GPHN: variants seen among roughly 807,000 people sequenced by gnomAD.
The protein encoded by GPHN is gephyrin.
GPHN carries 17 observed loss-of-function variants against 95.5 expected under a neutral mutation model. The observed-to-expected ratio is 0.18, with a 90% CI of 0.12 to 0.27. The LOEUF (loss-of-function observed/expected upper bound fraction) is 0.27, where lower values mean the gene tolerates loss of function less well. Ranked by LOEUF, GPHN falls within the 10% of genes least tolerant of loss-of-function variation. The pLI, the probability that GPHN is intolerant of heterozygous loss-of-function variation, is 1.00. For missense variants in GPHN, 660 were observed against 978.1 expected (o/e 0.67, Z 4.34); for synonymous variants, 320 against 322.5 (o/e 0.99, Z 0.08).
At chr14:66,813,097 T>C (rs1325159409) in intron 3 of GPHN, among the ~76,000 whole-genome samples, 2 of 152,236 alleles carry the variant, frequency 1.3e-5, no homozygotes, top group East Asian at 3.8e-4. Context: ...GTCAAAGTTA[T>C]AATATTAGGG....
the GPHN span, among the ~76,000 whole-genome samples, chr14:67,689,273 T>G: frequency 1.3e-5 from 2 of 152,232 alleles, no homozygotes; most frequent in African/African-American, 4.8e-5. Context: ...ATTCCAACTA[T>G]AGGGCACCTG....
At chr14:66,716,959 T>G (rs920732091) in intron 2 of GPHN, among the ~76,000 whole-genome samples, 2 of 152,206 alleles carry the variant, frequency 1.3e-5, no homozygotes, top group African/African-American at 4.8e-5. Context: ...TCCTTCGTCT[T>G]AACTTTGGCT....
chr14:66,694,025 G>A (rs2067956508), intron 2 of GPHN, among the ~76,000 whole-genome samples: 1 of 152,142 alleles, frequency 6.6e-6, no homozygotes, highest in Non-Finnish European at 1.5e-5. Flanking sequence ...AAAGAATAGA[G>A]AGCCCAGAAA....
the GPHN span, chr14:67,563,019 C>T: frequency 6.2e-6 from 6 of 972,508 alleles, no homozygotes; most frequent in Non-Finnish European, 8.9e-6. Context: ...CCCTGGCAGG[C>T]AGGTACCATG....
chr14:66,958,378 TAATTTG>T (rs1280813664), intron 8 of GPHN, among the ~76,000 whole-genome samples: 1 of 152,212 alleles, frequency 6.6e-6, no homozygotes, highest in African/African-American at 2.4e-5. Context: ...TCTTTGGATC[TAATTTG>T]AATCTCTTGT....
At chr14:67,511,270 G>T in the GPHN span, among the ~76,000 whole-genome samples, 1 of 152,236 alleles carries the variant, frequency 6.6e-6, no homozygotes, top group South Asian at 2.1e-4. Context: ...CAAAGGAATG[G>T]CAGAAAGTGA....
At chr14:66,906,281 TCCTC>T (rs926096663) in intron 5 of GPHN, among the ~76,000 whole-genome samples, 40 of 152,236 alleles carry the variant, frequency 2.6e-4, no homozygotes, top group African/African-American at 7.5e-4. Flanking sequence ...TAATCCCACC[TCCTC>T]CCTTTGTCTC....
the GPHN span, among the ~76,000 whole-genome samples, chr14:67,268,392 A>G: frequency 6.6e-6 from 1 of 152,234 alleles, no homozygotes; most frequent in African/African-American, 2.4e-5. Context: ...TGCATGAGAA[A>G]GAATTTGGGG....
In GPHN at chr14:66,819,666, A is replaced by G. The variant is rs116727466; in HGVS notation, c.202-4808A>G. ...TTTTTTGCTTAGGACCACGTTGGCT[A>G]TTGAAATCCCTTTATTTTTTTAATG... is the stretch of plus-strand genomic sequence containing the variant. On this transcript the variant is annotated intron_variant, in intron 3 of 22. Coordinates refer to ENST00000478722, the MANE Select transcript of GPHN (RefSeq NM_020806.5). 7.0e-3 allele frequency among the ~76,000 whole-genome samples: 1,068 copies of G among 152,058 alleles called. 4 individuals carry two copies. The highest frequency in any genetic ancestry group is 0.025 in the African/African-American group (1,020 of 41,476).
the GPHN span, chr14:67,562,625 C>G: frequency 6.2e-7 from 1 of 1,612,972 alleles, no homozygotes; most frequent in South Asian, 1.1e-5. Context: ...CAAAAGGCAC[C>G]ACAGCCAGCC....
the GPHN span, among the ~76,000 whole-genome samples, chr14:67,523,636 C>A: frequency 6.2e-4 from 94 of 152,336 alleles, no homozygotes; most frequent in Middle Eastern, 6.8e-3. Context: ...TTTCTGTGGC[C>A]ATGCTGTATC....
At chr14:67,337,146 C>T in the GPHN span, among the ~76,000 whole-genome samples, 1 of 152,164 alleles carries the variant, frequency 6.6e-6, no homozygotes, top group African/African-American at 2.4e-5. Context: ...AATACCAGTG[C>T]CTGGCACATA....
At chr14:67,633,055 C>T in the GPHN span, among the ~76,000 whole-genome samples, 1,978 of 151,868 alleles carry the variant, frequency 0.013, 49 homozygotes, top group African/African-American at 0.044. Context: ...CTCCTGACCT[C>T]GTGATCCGCC....
chr14:67,217,601 T>A, the GPHN span, among the ~76,000 whole-genome samples: 6,361 of 152,270 alleles, frequency 0.042, 812 homozygotes, highest in East Asian at 0.41. Context: ...TTTATAGTTT[T>A]GCATGTTTGC....
intron 2 of GPHN, among the ~76,000 whole-genome samples, chr14:66,748,228 A>G (rs1186757612): frequency 6.6e-6 from 1 of 152,106 alleles, no homozygotes; most frequent in Non-Finnish European, 1.5e-5. Context: ...CTTTTACTAT[A>G]GTACTTATTA....
At chr14:67,211,625 A>G in the GPHN span, among the ~76,000 whole-genome samples, 1 of 152,312 alleles carries the variant, frequency 6.6e-6, no homozygotes, top group East Asian at 1.9e-4. Flanking sequence ...TAGGTAATAT[A>G]GCAATCAATT....
At position 66,621,131 on chromosome 14, in the gene GPHN, AT is replaced by A. The variant is rs149505173; in HGVS notation, c.65-59959del. 6.9e-3 allele frequency among the ~76,000 whole-genome samples: 978 copies of A among 141,256 alleles called. 2 individuals are homozygous for A. The highest frequency in any genetic ancestry group is 0.015 in the Middle Eastern group (4 of 268). 92.7% of individuals were successfully genotyped at this position (141,256 alleles called of 152,430 possible). ...AAGCATCCACCACCAAGCCCAGCCAATTTTTTTTTTTTTTTTTGTATTTTTA... is the reference window on the plus strand; with the variant it reads ...AAGCATCCACCACCAAGCCCAGCCAATTTTTTTTTTTTTTTTGTATTTTTA... On this transcript the variant is annotated intron_variant, in intron 1 of 22. Transcript: ENST00000478722.
intron 17 of GPHN, among the ~76,000 whole-genome samples, chr14:67,127,371 T>C (rs930405854): frequency 2.9e-5 from 4 of 140,054 alleles, no homozygotes; most frequent in Non-Finnish European, 3.1e-5. Context: ...TTTTGCCGAA[T>C]TGACATAAAA....
At chr14:67,574,238 A>T in the GPHN span, 1 of 1,593,740 alleles carries the variant, frequency 6.3e-7, no homozygotes, top group South Asian at 1.1e-5. The surrounding 1 kb of genome is among the most constrained non-coding windows in gnomAD (Gnocchi z 4.2). Flanking sequence ...CTCGCCCTCC[A>T]CAGCTCATCT....
Sources: allele counts gnomAD v4.1 joint callset (sites outside exome capture counted in the v4.1 genomes callset), GRCh38; gene constraint gnomAD v4.1.1; non-coding constraint Gnocchi (gnomAD v3.1); transcripts MANE v1.5; gene names NCBI Gene and HGNC (gene_info 2026-07-23, HGNC 2026-07-21).